The following MACF1 variants were observed in gnomAD, a reference collection of about 807,000 sequenced individuals.
The protein encoded by MACF1 is microtubule-actin cross-linking factor 1.
Under a neutral mutation model 854.8 loss-of-function variants are expected in MACF1, and 193 were observed. The observed-to-expected ratio is 0.23, with a 90% CI of 0.20 to 0.25. The LOEUF (loss-of-function observed/expected upper bound fraction) is 0.25, where lower values mean the gene tolerates loss of function less well. MACF1 is among the 10% of genes least tolerant of loss of function. The probability of loss-of-function intolerance (pLI) is 1.00; values close to 1 mark genes in which losing one functional copy is unlikely to be tolerated. For missense variants in MACF1, 7,722 were observed against 8,929.1 expected, an observed-to-expected ratio of 0.86 and a Z score of 5.45; for synonymous variants, 3,185 against 3,226.7, an observed-to-expected ratio of 0.99 and a Z score of 0.44.
chr1:39,432,895 A>G (rs1432784058), intron 67 of MACF1, among the ~76,000 whole-genome samples, 153 bp from the exon 68 acceptor site: 6 of 152,248 alleles, frequency 3.9e-5, no homozygotes, highest in Admixed American at 3.3e-4. Flanking sequence ...GTAAGCTACT[A>G]AAAAGATAAG....
chr1:39,092,557 T>A (rs1641832257), intron 2 of MACF1, among the ~76,000 whole-genome samples: 1 of 152,228 alleles, frequency 6.6e-6, no homozygotes, highest in Non-Finnish European at 1.5e-5. Flanking sequence ...GCCCTCAACA[T>A]GTACAATATG....
At chr1:39,327,672 C>T (rs1646641983) in intron 36 of MACF1, among the ~76,000 whole-genome samples, 1 of 152,222 alleles carries the variant, frequency 6.6e-6, no homozygotes, top group South Asian at 2.1e-4. Context: ...CAGTAACATA[C>T]TCCCTTGTGG....
In MACF1 at chr1:39,333,910, A is replaced by C; in HGVS notation, c.7322A>C (p.Asn2441Thr). 1 of 1,614,216 alleles carries C rather than the reference A, an allele frequency of 6.2e-7. No individual in the cohort carries two copies. The highest frequency in any genetic ancestry group is 1.3e-5 in the African/African-American group (1 of 75,062). The stretch of plus-strand genomic sequence containing the variant: ...GTTGCTGACCAGCCAGAACTTATAA[A>C]TCTGGAGAAAGCTTCCAAAGGTAGA... ...VDVADQPELI[N>T]LEKASKGRDA... Residue 2441 changes from asparagine to threonine, a missense_variant, in exon 37 of 101, where the codon AAT (asparagine) becomes ACT (threonine). Physicochemically the swap from Asn to Thr is moderately conservative, Grantham distance 65. This residue lies in a region of MACF1 where 1,531 missense variants were observed against 1,601.6 expected (regional missense o/e 0.96). Transcript: ENST00000564288.
chr1:39,361,405 A>G lies in MACF1; in HGVS notation c.12499A>G (p.Thr4167Ala). 1.2e-6 allele frequency: 2 copies of G among 1,614,010 alleles called. No homozygotes were observed. The highest frequency in any genetic ancestry group is 2.2e-5 in the East Asian group (1 of 44,874). ...IARQKSSLEA[T>A]REMVTRFMET... ...TCGGCAAAAGAGCAGCTTGGAGGCCACCCGTGAGATGGTGACCCGATTCAT... is the reference window on the plus strand; with the variant it reads ...TCGGCAAAAGAGCAGCTTGGAGGCCGCCCGTGAGATGGTGACCCGATTCAT... The change falls in exon 49 of 101, where the codon ACC (threonine) becomes GCC (alanine). Residue 4167 changes from threonine (T) to alanine (A), a missense_variant. Physicochemically the swap from Thr to Ala is moderately conservative, Grantham distance 58. Around this residue, in one of 15 missense-constraint regions of MACF1, gnomAD observed 2,807 missense variants for 3,235.8 expected, o/e 0.87. Coordinates refer to ENST00000564288, the MANE Select transcript of MACF1 (RefSeq NM_001394062.1).
chr1:39,221,107 A>G (rs1365067233), intron 1 of MACF1, among the ~76,000 whole-genome samples: 1 of 152,204 alleles, frequency 6.6e-6, no homozygotes, highest in Non-Finnish European at 1.5e-5. Context: ...GGAAACAGTA[A>G]GAAGATCGGA....
At chr1:39,174,419 A>G (rs1409696774) in intron 2 of MACF1, among the ~76,000 whole-genome samples, 2 of 152,150 alleles carry the variant, frequency 1.3e-5, no homozygotes, top group African/African-American at 4.8e-5. Context: ...GCAAATGCTG[A>G]GTGTAGCTTT....
At chr1:39,213,622 C>A (rs1644542250) in intron 1 of MACF1, among the ~76,000 whole-genome samples, 1 of 152,190 alleles carries the variant, frequency 6.6e-6, no homozygotes, top group African/African-American at 2.4e-5. Context: ...CAGGCGTGAG[C>A]CACTGCACTC....
intron 41 of MACF1, among the ~76,000 whole-genome samples, chr1:39,349,094 C>G (rs940270864): frequency 6.6e-6 from 1 of 152,152 alleles, no homozygotes; most frequent in Non-Finnish European, 1.5e-5. Flanking sequence ...TGTAGCAAAT[C>G]TCTGGTTCTA....
chr1:39,274,061 G>C (rs1033379529), intron 6 of MACF1, among the ~76,000 whole-genome samples: 7 of 152,164 alleles, frequency 4.6e-5, no homozygotes, highest in African/African-American at 1.7e-4. Context: ...TAGGGGAAGG[G>C]TGAAGTGGGT....
rs113146568 is a variant in MACF1 at position 39,163,360 on chromosome 1, A to T, written c.221-67822A>T. On this transcript the variant is annotated intron_variant, in intron 2 of 93. Coordinates refer to the MACF1 transcript ENST00000361689. ...TGTCTCAAAAAAAAAAAAAAAAAAA[A>T]GAAAAGAAAAGAAAAAAAGAAACTC... 1.0e-3 allele frequency among the ~76,000 whole-genome samples: 149 copies of T among 144,384 alleles called. 2 individuals are homozygous for T. Among genetic ancestry groups the T allele is most frequent in the African/African-American group, 3.5e-3 (137 of 39,264 alleles). 94.7% of individuals were successfully genotyped at this position (144,384 alleles called of 152,430 possible).
At position 39,213,366 on chromosome 1, in the gene MACF1, C is replaced by T. The variant is rs529251516; in HGVS notation, c.109+8235C>T. ...TTTTTATTTTTGAGAGAGTCTCGCT[C>T]TGTGGCCCAGGCTGGAGTGCAGTGG... On this transcript the variant is annotated intron_variant, in intron 1 of 100. Transcript: ENST00000564288. Among the ~76,000 whole-genome samples the T allele has an allele frequency of 2.0e-5, 3 of 152,282 alleles. No homozygotes were observed. In the South Asian group the frequency reaches 6.2e-4, roughly 32 times the overall value.
At chr1:39,174,653 CTT>C (rs1043126109) in intron 2 of MACF1, among the ~76,000 whole-genome samples, 2 of 152,166 alleles carry the variant, frequency 1.3e-5, no homozygotes, top group African/African-American at 4.8e-5. Context: ...AAGAACTACT[CTT>C]TGGCAAAAGC....
At chr1:39,485,009 G>C in intron 100 of MACF1, 1 of 498,874 alleles carries the variant, frequency 2.0e-6, no homozygotes, top group Admixed American at 3.6e-5. Context: ...AGGAAATGTG[G>C]GTCTTCCTCA....
chr1:39,140,573 T>G (rs975564148), intron 2 of MACF1, among the ~76,000 whole-genome samples: 1 of 152,174 alleles, frequency 6.6e-6, no homozygotes, highest in African/African-American at 2.4e-5. Context: ...TGAATTTAAT[T>G]GTAAAATGGA....
chr1:39,303,459 G>A (rs1388614988), intron 23 of MACF1, among the ~76,000 whole-genome samples: 1 of 152,028 alleles, frequency 6.6e-6, no homozygotes, highest in Non-Finnish European at 1.5e-5. Context: ...GCTTAGGCAT[G>A]AGAATTGCTT....
chr1:39,265,764 CCA>C (rs1645223164), intron 6 of MACF1, among the ~76,000 whole-genome samples: 3 of 152,126 alleles, frequency 2.0e-5, no homozygotes, highest in Non-Finnish European at 4.4e-5. Flanking sequence ...AAGTCAGGGA[CCA>C]TCTATATCTT....
Position 39,423,431 on chromosome 1 carries a change from C to T in MACF1, c.16149+531C>T, listed in dbSNP as rs190534398. Among the ~76,000 whole-genome samples the T allele has an allele frequency of 8.7e-3, 1,319 of 151,924 alleles. 22 individuals are homozygous for T. Among genetic ancestry groups the T allele is most frequent in the African/African-American group, 0.03 (1,249 of 41,424 alleles). On this transcript the variant is annotated intron_variant, in intron 60 of 100. Coordinates refer to ENST00000564288, the MANE Select transcript of MACF1 (RefSeq NM_001394062.1). ...CAGGCGGATCACAAGGTCAGGAGAT[C>T]GAGACCATCCTGGCTAACACGGTGA... is the stretch of plus-strand genomic sequence containing the variant.
At chr1:39,376,269 A>C (rs1408363347) in intron 52 of MACF1, among the ~76,000 whole-genome samples, 2 of 152,226 alleles carry the variant, frequency 1.3e-5, no homozygotes, top group Non-Finnish European at 2.9e-5. Flanking sequence ...CATTTAAACC[A>C]AACATTAAAC....
chr1:39,390,073 C>T (rs1224398676), intron 58 of MACF1, among the ~76,000 whole-genome samples: 1 of 152,196 alleles, frequency 6.6e-6, no homozygotes, highest in Non-Finnish European at 1.5e-5. Flanking sequence ...TCTGTTGGAT[C>T]TTGGTTCTCA....
Sources: allele counts gnomAD v4.1 joint callset (sites outside exome capture counted in the v4.1 genomes callset), GRCh38; gene constraint gnomAD v4.1.1; regional missense constraint gnomAD v4.1.1; transcripts MANE v1.5; gene names NCBI Gene and HGNC (gene_info 2026-07-23, HGNC 2026-07-21).